Variants in DDA1 observed in about 807,000 individuals in gnomAD.
DDA1 encodes DET1- and DDB1-associated protein 1.
In DDA1, 3 loss-of-function variants were observed where a neutral mutation model predicts 18.6. The observed-to-expected ratio is 0.16, with a 90% CI of 0.07 to 0.42. The LOEUF (loss-of-function observed/expected upper bound fraction) is 0.42, where lower values mean the gene tolerates loss of function less well. Among genes scored for constraint, DDA1 ranks in the 10% least tolerant of loss-of-function variants. DDA1 has a pLI of 0.99. For synonymous variants in DDA1, 52 were observed against 54.0 expected (o/e 0.96, Z 0.17); for missense variants, 105 against 138.2 (o/e 0.76, Z 1.20).
intron 1 of DDA1, 64 bp downstream of exon 1, chr19:17,309,721 C>G: frequency 1.9e-6 from 3 of 1,589,132 alleles, no homozygotes; most frequent in Non-Finnish European, 2.6e-6. Context: ...TGGTCCCACC[C>G]ACCTCTAGTA....
intron 1 of DDA1, among the ~76,000 whole-genome samples, chr19:17,311,248 C>T (rs1218206255): frequency 2.6e-5 from 4 of 151,748 alleles, no homozygotes; most frequent in African/African-American, 7.3e-5. Flanking sequence ...TCACTGGAAC[C>T]TCCGCCTCCT....
chr19:17,319,559 A>G lies in DDA1; in HGVS notation c.212A>G (p.Lys71Arg). 6.4e-7 allele frequency: 1 copy of G among 1,570,162 alleles called. No homozygotes were observed. Among genetic ancestry groups the G allele is most frequent in the Non-Finnish European group, 8.6e-7 (1 of 1,157,438 alleles). ...CCTGTCCCCCAGAACGCTGCCAAGA[A>G]GAGAGACCAGGAGCAAGTGGAGCTG... The part of the protein sequence containing the change: ...QQWDKKNAAK[K>R]RDQEQVELEG... Residue 71 changes from lysine to arginine, a missense_variant, in exon 5 of 5, where the codon AAG becomes AGG. Coordinates refer to ENST00000359866, the MANE Select transcript of DDA1 (RefSeq NM_024050.6).
In DDA1 at chr19:17,314,612, T is replaced by A; in HGVS notation, c.136+223T>A. On this transcript the variant is annotated intron_variant, in intron 3 of 4. Transcript: ENST00000359866. This position sits in a 1 kb window ranked among gnomAD's most constrained non-coding sequence, Gnocchi z 4.6. ...GCCTGGGGATGCACACGTGGATGCCTGTCCACTCCCAGCCCCTGGGGACAG... is the reference window on the plus strand; with the variant it reads ...GCCTGGGGATGCACACGTGGATGCCAGTCCACTCCCAGCCCCTGGGGACAG... The A allele has an allele frequency of 1.7e-6, 1 of 581,548 alleles. No homozygotes were observed. Among genetic ancestry groups the A allele is most frequent in the Non-Finnish European group, 3.0e-6 (1 of 328,430 alleles). The allele number at this position is 581,548 out of a possible 1,614,324, so 36.0% of individuals were successfully genotyped here.
At chr19:17,318,437 G>T (rs1194802155) in intron 4 of DDA1, among the ~76,000 whole-genome samples, 1 of 151,972 alleles carries the variant, frequency 6.6e-6, no homozygotes, top group East Asian at 1.9e-4. Flanking sequence ...CTCGATGTTA[G>T]TCTGACTTGT....
Position 17,309,607 on chromosome 19 carries a change from C to T in DDA1, c.-48C>T, listed in dbSNP as rs1182076346. ...GCTAAGAAGGCGGCTCTGGTGGCGG[C>T]GGTGGAGGCTGAGGCGGCGGCCGAG... On this transcript the variant is annotated 5_prime_UTR_variant, in exon 1 of 5. Coordinates refer to ENST00000359866, the MANE Select transcript of DDA1 (RefSeq NM_024050.6). The T allele has an allele frequency of 6.3e-7, 1 of 1,599,856 alleles. No homozygotes were observed.
In DDA1 at chr19:17,315,035, G is replaced by C. The variant is rs112988813; in HGVS notation, c.136+646G>C. Among the ~76,000 whole-genome samples, 689 of 150,316 alleles carry C rather than the reference G, an allele frequency of 4.6e-3. 3 individuals carry two copies. The highest frequency in any genetic ancestry group is 0.01 in the Middle Eastern group (3 of 288). On this transcript the variant is annotated intron_variant, in intron 3 of 4. Transcript: ENST00000359866. ...GAGGATTGCTTGAGGCCAGGAGTTC[G>C]AGACCAGCCTGAGCAACATAGTTAG...
chr19:17,310,931 T>C (rs2074175862), intron 1 of DDA1, among the ~76,000 whole-genome samples: 1 of 152,184 alleles, frequency 6.6e-6, no homozygotes, highest in African/African-American at 2.4e-5. Flanking sequence ...CAGTTCATAA[T>C]TCACCTGAAC....
chr19:17,317,406 A>C (rs1720122404), intron 4 of DDA1, among the ~76,000 whole-genome samples: 1 of 151,780 alleles, frequency 6.6e-6, no homozygotes, highest in South Asian at 2.1e-4. Context: ...AGTCCCAGCT[A>C]CTTGGGAGGC....
intron 1 of DDA1, among the ~76,000 whole-genome samples, chr19:17,311,597 C>T (rs1477192993): frequency 6.6e-6 from 1 of 151,978 alleles, no homozygotes. Flanking sequence ...TCCACTCTGT[C>T]TGTGAGCTTC....
chr19:17,319,265 G>A (rs2074228120), intron 4 of DDA1, among the ~76,000 whole-genome samples: 1 of 152,168 alleles, frequency 6.6e-6, no homozygotes. Context: ...GGACCCTGGG[G>A]CCCCCCACTG....
intron 4 of DDA1, among the ~76,000 whole-genome samples, chr19:17,318,821 G>A (rs1893674617): frequency 1.3e-5 from 2 of 151,370 alleles, no homozygotes; most frequent in African/African-American, 4.9e-5. Context: ...ATGAGCCACC[G>A]CGCCTGGCAA....
intron 1 of DDA1, among the ~76,000 whole-genome samples, chr19:17,312,878 G>C (rs1239052831): frequency 6.6e-6 from 1 of 151,998 alleles, no homozygotes; most frequent in Non-Finnish European, 1.5e-5. Flanking sequence ...ACTTTGAACA[G>C]GTCCTGGGGC....
intron 1 of DDA1, among the ~76,000 whole-genome samples, chr19:17,311,871 C>T (rs2074180568): frequency 1.3e-5 from 2 of 152,166 alleles, no homozygotes; most frequent in Non-Finnish European, 2.9e-5. Flanking sequence ...AGGGCCCAGC[C>T]GTGGCTGGCA....
At chr19:17,318,998 C>T (rs531109767) in intron 4 of DDA1, among the ~76,000 whole-genome samples, 3 of 152,246 alleles carry the variant, frequency 2.0e-5, no homozygotes, top group Admixed American at 6.5e-5. Flanking sequence ...GTTTCCACAG[C>T]GGGGAAGGAG....
At chr19:17,319,151 G>A (rs1218836072) in intron 4 of DDA1, among the ~76,000 whole-genome samples, 1 of 152,172 alleles carries the variant, frequency 6.6e-6, no homozygotes, top group Non-Finnish European at 1.5e-5. Context: ...GGGTGACTCC[G>A]GGTGCCAGGA....
intron 1 of DDA1, among the ~76,000 whole-genome samples, chr19:17,312,219 C>G (rs1256929174): frequency 6.6e-6 from 1 of 152,144 alleles, no homozygotes; most frequent in Admixed American, 6.5e-5. Flanking sequence ...CCTCTCGCCA[C>G]TCAGCCACCG....
chr19:17,313,433 CTTTTTTTTTTTTTTTTTT>C (rs57148595), intron 1 of DDA1, among the ~76,000 whole-genome samples: 3 of 82,560 alleles, frequency 3.6e-5, no homozygotes, highest in African/African-American at 1.5e-4. Flanking sequence ...TTGAAAATGG[CTTTTTTTTTTTTTTTTTT>C]TTTTTTTTTG....
rs1277202244 is a variant in DDA1 at position 17,322,327 on chromosome 19, C to T, written c.*2671C>T. On this transcript the variant is annotated 3_prime_UTR_variant, in exon 5 of 5. Coordinates refer to ENST00000359866, the MANE Select transcript of DDA1 (RefSeq NM_024050.6). ...GGACATGCCCCACCTGGCACACACA[C>T]CCTGTGTAGCTCCCACTGCCTGTGG... 6.5e-6 allele frequency: 1 copy of T among 153,870 alleles called. No individual in the cohort carries two copies. The highest frequency in any genetic ancestry group is 1.9e-4 in the East Asian group (1 of 5,214). The allele number at this position is 153,870 out of a possible 1,614,324, so 9.5% of individuals were successfully genotyped here. A position where few individuals can be genotyped will look rare whatever the true frequency, so the allele number is the denominator to read the frequency against.
rs1243554130 is a variant in DDA1 at position 17,320,797 on chromosome 19, T to C, written c.*1141T>C. 6.6e-6 allele frequency: 1 copy of C among 152,542 alleles called. No individual in the cohort carries two copies. Among genetic ancestry groups the C allele is most frequent in the Non-Finnish European group, 1.5e-5 (1 of 68,354 alleles). The allele number at this position is 152,542 out of a possible 1,614,324, so 9.4% of individuals were successfully genotyped here. A position where few individuals can be genotyped will look rare whatever the true frequency, so the allele number is the denominator to read the frequency against. On this transcript the variant is annotated 3_prime_UTR_variant, in exon 5 of 5. Transcript: ENST00000359866. ...AGTTGGCATGTGCCATGGCCGCTCA[T>C]GGGGACCCCTCTTCCGCCAGCTGGG... is the stretch of plus-strand genomic sequence containing the variant.
Sources: gnomAD v4.1 joint callset for allele counts (sites outside exome capture counted in the v4.1 genomes callset) on GRCh38, gnomAD v4.1.1 for gene constraint, Gnocchi (gnomAD v3.1) non-coding constraint, MANE v1.5 for transcripts, NCBI Gene and HGNC (gene_info 2026-07-23, HGNC 2026-07-21) for gene names.